Variants in SLCO3A1 observed in about 807,000 individuals in gnomAD.
SLCO3A1 encodes the protein PGE1 transporter.
In SLCO3A1, 27 loss-of-function variants were observed where a neutral mutation model predicts 63.1. The observed-to-expected ratio is 0.43, with a 90% CI of 0.32 to 0.59. The LOEUF is 0.59. Among genes scored for constraint, SLCO3A1 ranks in the 20% least tolerant of loss-of-function variants. SLCO3A1 has a pLI of 0.09. For missense variants in SLCO3A1, 773 were observed against 945.8 expected, an observed-to-expected ratio of 0.82 and a Z score of 2.40; for synonymous variants, 473 against 409.9, an observed-to-expected ratio of 1.15 and a Z score of -1.86.
intron 2 of SLCO3A1, among the ~76,000 whole-genome samples, chr15:92,060,149 T>C: frequency 6.6e-6 from 1 of 152,218 alleles, no homozygotes; most frequent in East Asian, 1.9e-4. Flanking sequence ...TGGAAGTTGC[T>C]CTGGGTGAGT....
At chr15:91,958,860 G>A (rs1900333328) in intron 2 of SLCO3A1, among the ~76,000 whole-genome samples, 1 of 152,146 alleles carries the variant, frequency 6.6e-6, no homozygotes, top group Non-Finnish European at 1.5e-5. Context: ...AAACAGTATT[G>A]AGATTCCTTA....
rs557467546 is a variant in SLCO3A1 at position 92,048,782 on chromosome 15, C to T, written c.647-46099C>T. Reference sequence around the variant, plus strand: ...GGCTAGTGGCGGGCACCTGTAATCCCAGCTCCTCGGGAGGCTGAGGTAGGA... The same window carrying T: ...GGCTAGTGGCGGGCACCTGTAATCCTAGCTCCTCGGGAGGCTGAGGTAGGA... On this transcript the variant is annotated intron_variant, in intron 2 of 9. Transcript: ENST00000318445. Among the ~76,000 whole-genome samples, 5 of 152,296 alleles carry T rather than the reference C, an allele frequency of 3.3e-5. No homozygotes were observed. In the South Asian group the frequency reaches 1.0e-3, roughly 32 times the overall value.
intron 2 of SLCO3A1, among the ~76,000 whole-genome samples, chr15:92,006,862 C>G (rs989049130): frequency 6.6e-6 from 1 of 152,200 alleles, no homozygotes; most frequent in Admixed American, 6.5e-5. Context: ...GGAAAGCCCC[C>G]AAATGTATCC....
At chr15:92,140,692 G>A (rs1213303116) in intron 7 of SLCO3A1, among the ~76,000 whole-genome samples, 2 of 152,172 alleles carry the variant, frequency 1.3e-5, no homozygotes, top group African/African-American at 4.8e-5. Flanking sequence ...ATTTAGGATA[G>A]TTAGCTCTTC....
At chr15:91,981,367 CT>C (rs2045983177) in intron 2 of SLCO3A1, among the ~76,000 whole-genome samples, 1 of 152,170 alleles carries the variant, frequency 6.6e-6, no homozygotes, top group Admixed American at 6.5e-5. Context: ...TGTGAGGCCC[CT>C]CGGAATCCGC....
chr15:92,162,538 T>C (rs548068654), intron 9 of SLCO3A1: 1 of 651,154 alleles, frequency 1.5e-6, no homozygotes, highest in South Asian at 2.5e-5. Context: ...ATGAGGAAAC[T>C]AAGGCAGGAG....
chr15:92,014,406 G>A (rs1028416639), intron 2 of SLCO3A1, among the ~76,000 whole-genome samples: 3 of 152,154 alleles, frequency 2.0e-5, no homozygotes, highest in African/African-American at 7.2e-5. Flanking sequence ...AATGCCCCGT[G>A]ATTAGGGTTT....
chr15:91,906,421 C>G lies in SLCO3A1; in HGVS notation c.181-9572C>G, dbSNP rs369232655. On this transcript the variant is annotated intron_variant, in intron 1 of 9. Transcript: ENST00000318445. ...GTTGAGGGCAGAGACCAGGTCTTAT[C>G]GAACTTTGCCTATCCAGCCCCTGGC... 8.5e-5 allele frequency among the ~76,000 whole-genome samples: 13 copies of G among 152,298 alleles called. No homozygotes were observed. The South Asian group carries it at 2.7e-3, about 32-fold the overall frequency.
chr15:91,925,597 A>G (rs1261510410), intron 2 of SLCO3A1, among the ~76,000 whole-genome samples: 2 of 152,000 alleles, frequency 1.3e-5, no homozygotes, highest in Non-Finnish European at 2.9e-5. Context: ...GAAGGTCTAC[A>G]GTAGTCTACA....
In SLCO3A1 at chr15:91,948,653, C is replaced by T. The variant is rs1271054898; in HGVS notation, c.646+32195C>T. On this transcript the variant is annotated intron_variant, in intron 2 of 9. Transcript: ENST00000318445. The surrounding 1 kb of genome is among the most constrained non-coding windows in gnomAD (Gnocchi z 4.8). Reference sequence around the variant, plus strand: ...GCCACTCTCTGGTGCCCTGTGTTTACAGACATGAGGGCTGGGTTTTCCTGC... The same window carrying T: ...GCCACTCTCTGGTGCCCTGTGTTTATAGACATGAGGGCTGGGTTTTCCTGC... Among the ~76,000 whole-genome samples, 1 of 152,224 alleles carries T rather than the reference C, an allele frequency of 6.6e-6. No individual in the cohort carries two copies. Among genetic ancestry groups the T allele is most frequent in the Non-Finnish European group, 1.5e-5 (1 of 68,040 alleles).
chr15:91,967,360 G>A lies in SLCO3A1; in HGVS notation c.646+50902G>A, dbSNP rs1293742006. Among the ~76,000 whole-genome samples the A allele has an allele frequency of 1.3e-5, 2 of 152,144 alleles. No homozygotes were observed. The highest frequency in any genetic ancestry group is 4.8e-5 in the African/African-American group (2 of 41,436). ...CTGCTCTACACAGAAATGAACAGCA[G>A]TATAGATTAACCCATAAGAGTCCAA... On this transcript the variant is annotated intron_variant, in intron 2 of 9. Coordinates refer to ENST00000318445, the MANE Select transcript of SLCO3A1 (RefSeq NM_013272.4). The surrounding 1 kb of genome is among the most constrained non-coding windows in gnomAD (Gnocchi z 4.4).
chr15:91,908,768 A>C (rs937635492), intron 1 of SLCO3A1: 2 of 146,314 alleles, frequency 1.4e-5, no homozygotes, highest in African/African-American at 5.1e-5. Flanking sequence ...AAAAAAAAAA[A>C]AAAAAAACTT....
At chr15:91,958,000 C>A (rs375679287) in intron 2 of SLCO3A1, among the ~76,000 whole-genome samples, 7 of 152,110 alleles carry the variant, frequency 4.6e-5, no homozygotes, top group African/African-American at 1.7e-4. Flanking sequence ...TGGGTTTGAA[C>A]TGCATGGACC....
chr15:92,004,089 C>T (rs183138638), intron 2 of SLCO3A1, among the ~76,000 whole-genome samples: 75 of 152,338 alleles, frequency 4.9e-4, no homozygotes, highest in African/African-American at 1.8e-3. Context: ...GGATCCCACC[C>T]AGACCTTCTG....
In SLCO3A1 at chr15:91,992,275, A is replaced by G. The variant is rs928704527; in HGVS notation, c.646+75817A>G. Reference sequence around the variant, plus strand: ...TTCTGAACTCATTGACCACTTCATCATTCAATCAAGACTTAGCAAATGCAC... The same window carrying G: ...TTCTGAACTCATTGACCACTTCATCGTTCAATCAAGACTTAGCAAATGCAC... On this transcript the variant is annotated intron_variant, in intron 2 of 9. Coordinates refer to ENST00000318445, the MANE Select transcript of SLCO3A1 (RefSeq NM_013272.4). Among the ~76,000 whole-genome samples, 7 of 152,330 alleles carry G rather than the reference A, an allele frequency of 4.6e-5. No individual in the cohort carries two copies. The South Asian group carries it at 1.4e-3, about 32-fold the overall frequency.
intron 2 of SLCO3A1, among the ~76,000 whole-genome samples, chr15:91,936,644 AG>A (rs1899424851): frequency 6.6e-6 from 1 of 152,228 alleles, no homozygotes; most frequent in Non-Finnish European, 1.5e-5. Flanking sequence ...TACAGACTTC[AG>A]TGAGTATGGG....
chr15:92,062,419 T>G (rs541838865), intron 2 of SLCO3A1, among the ~76,000 whole-genome samples: 33 of 152,066 alleles, frequency 2.2e-4, no homozygotes, highest in African/African-American at 7.7e-4. Context: ...GGGGCCCGAG[T>G]GCCGTGTGGT....
chr15:91,909,050 G>A (rs773649024), intron 1 of SLCO3A1, among the ~76,000 whole-genome samples: 2 of 152,152 alleles, frequency 1.3e-5, no homozygotes, highest in African/African-American at 2.4e-5. Context: ...AACAGAGCGC[G>A]ACTCTGTCTC....
intron 1 of SLCO3A1, among the ~76,000 whole-genome samples, chr15:91,857,686 T>C (rs150582178): frequency 6.6e-6 from 1 of 152,244 alleles, no homozygotes; most frequent in African/African-American, 2.4e-5. Context: ...CCCCCTAAAA[T>C]GTTTTAAGCC....
Sources: allele counts gnomAD v4.1 joint callset (sites outside exome capture counted in the v4.1 genomes callset), GRCh38; gene constraint gnomAD v4.1.1; non-coding constraint Gnocchi (gnomAD v3.1); transcripts MANE v1.5; gene names NCBI Gene and HGNC (gene_info 2026-07-23, HGNC 2026-07-21).